PCDH15: variants seen among roughly 807,000 people sequenced by gnomAD.
PCDH15 encodes protocadherin related 15.
In PCDH15, 129 loss-of-function variants were observed where a neutral mutation model predicts 178.5. The ratio of observed to expected loss-of-function variants is 0.72; its 90% confidence interval spans 0.63 to 0.84. The LOEUF is 0.84. PCDH15 is among the 40% of genes least tolerant of loss of function. The probability of loss-of-function intolerance (pLI) is 0.00; values close to 1 mark genes in which losing one functional copy is unlikely to be tolerated. For synonymous variants in PCDH15, 800 were observed against 732.0 expected, an observed-to-expected ratio of 1.09 and a Z score of -1.50; for missense variants, 2,230 against 2,099.9, an observed-to-expected ratio of 1.06 and a Z score of -1.21.
chr10:54,411,401 C>G (rs1218480354), intron 3 of PCDH15, among the ~76,000 whole-genome samples: 1 of 152,112 alleles, frequency 6.6e-6, no homozygotes, highest in South Asian at 2.1e-4. Flanking sequence ...ACCAGTATAA[C>G]TGTAAGCCCT....
chr10:55,151,091 G>A (rs2589428), intron 2 of PCDH15, among the ~76,000 whole-genome samples: 137,237 of 152,094 alleles, frequency 0.9, 62,572 homozygotes, highest in Non-Finnish European at 0.97. Flanking sequence ...TGTGCCTTTC[G>A]TAGATCCCAC....
At chr10:54,689,510 C>T (rs1016100707) in intron 1 of PCDH15, among the ~76,000 whole-genome samples, 2 of 152,102 alleles carry the variant, frequency 1.3e-5, no homozygotes, top group African/African-American at 4.8e-5. Context: ...CATTAACTTA[C>T]CAGCCATGAA....
Position 54,953,109 on chromosome 10 carries a change from C to T in PCDH15, c.-79-55609G>A, listed in dbSNP as rs1316601584. ...GCACCTAGTTTCTCACCATTAAGTA[C>T]GTTAAGCATGTTAGCGCTAGTTGTT... On this transcript the variant is annotated intron_variant, in intron 2 of 5. Transcript: ENST00000458638. Among the ~76,000 whole-genome samples the T allele has an allele frequency of 3.3e-5, 5 of 151,458 alleles. No homozygotes were observed. In the South Asian group the frequency reaches 8.3e-4, roughly 25 times the overall value.
intron 3 of PCDH15, among the ~76,000 whole-genome samples, chr10:54,457,172 C>A (rs1204025469): frequency 6.6e-6 from 1 of 152,100 alleles, no homozygotes; most frequent in Non-Finnish European, 1.5e-5. Context: ...TAATTCAAAG[C>A]ACAATTTTGT....
At chr10:54,172,287 C>T (rs1043876950) in intron 13 of PCDH15, among the ~76,000 whole-genome samples, 2 of 151,958 alleles carry the variant, frequency 1.3e-5, no homozygotes, top group South Asian at 2.1e-4. Context: ...AGAAACACCC[C>T]CACTGAGCAC....
chr10:54,054,623 G>C (rs1440957149), intron 18 of PCDH15, among the ~76,000 whole-genome samples: 2 of 152,028 alleles, frequency 1.3e-5, no homozygotes, highest in Admixed American at 6.6e-5. Flanking sequence ...CCTAAACATT[G>C]CTAAAGGGGT....
At chr10:54,748,208 A>C (rs1006809580) in intron 1 of PCDH15, among the ~76,000 whole-genome samples, 6 of 152,160 alleles carry the variant, frequency 3.9e-5, no homozygotes, top group Non-Finnish European at 8.8e-5. Context: ...AATAAACTTC[A>C]TGTTACTTTT....
intron 8 of PCDH15, among the ~76,000 whole-genome samples, chr10:54,276,839 T>C (rs1259037584): frequency 1.3e-5 from 2 of 151,592 alleles, no homozygotes; most frequent in African/African-American, 2.4e-5. Flanking sequence ...TTCCACAAAT[T>C]AACAAAATAA....
In PCDH15 at chr10:54,418,613, A is replaced by G. The variant is rs542119841; in HGVS notation, c.158-39671T>C. Among the ~76,000 whole-genome samples, 35 of 152,024 alleles carry G rather than the reference A, an allele frequency of 2.3e-4. No individual in the cohort carries two copies. The South Asian group carries it at 3.7e-3, about 16-fold the overall frequency. On this transcript the variant is annotated intron_variant, in intron 3 of 37. Transcript: ENST00000644397. ...TTGTACAATCACCCATAACTTTATT[A>G]TTTATCATTTTGTAACTTTTTTATT...
At chr10:54,791,677 A>ATC (rs1446875571) in intron 1 of PCDH15, among the ~76,000 whole-genome samples, 1 of 151,660 alleles carries the variant, frequency 6.6e-6, no homozygotes, top group Non-Finnish European at 1.5e-5. Flanking sequence ...AAGTCATCCA[A>ATC]TCTCTCTCTC....
intron 2 of PCDH15, among the ~76,000 whole-genome samples, chr10:54,646,763 T>C (rs2094137990): frequency 6.6e-6 from 1 of 152,020 alleles, no homozygotes; most frequent in African/African-American, 2.4e-5. Context: ...AGAGGAATGC[T>C]GATACAAATG....
chr10:55,213,093 A>G (rs561639685), intron 1 of PCDH15, among the ~76,000 whole-genome samples: 1 of 152,258 alleles, frequency 6.6e-6, no homozygotes, highest in East Asian at 1.9e-4. Context: ...TGGTTCTTTT[A>G]CTGAACTGTG....
intron 2 of PCDH15, among the ~76,000 whole-genome samples, chr10:54,591,900 A>G (rs911107860): frequency 7.9e-5 from 12 of 152,254 alleles, no homozygotes; most frequent in African/African-American, 2.6e-4. Context: ...TTCAGTCCCA[A>G]CTACGCTCAA....
chr10:54,433,898 C>T (rs1369432150), intron 3 of PCDH15, among the ~76,000 whole-genome samples: 1 of 152,028 alleles, frequency 6.6e-6, no homozygotes, highest in Non-Finnish European at 1.5e-5. Flanking sequence ...GCCAATCTTT[C>T]AGGAGATATT....
chr10:54,372,920 T>C (rs1259321522), intron 4 of PCDH15, among the ~76,000 whole-genome samples: 1 of 151,598 alleles, frequency 6.6e-6, no homozygotes, highest in Non-Finnish European at 1.5e-5. Context: ...ATGATATATA[T>C]CAACAATTAA....
Position 54,247,935 on chromosome 10 carries a change from A to AATATATAT in PCDH15, c.877-11012_877-11005dup, listed in dbSNP as rs147562225. On this transcript the variant is annotated intron_variant, in intron 8 of 37. Coordinates refer to ENST00000644397, the MANE Select transcript of PCDH15 (RefSeq NM_001384140.1). Reference sequence around the variant, plus strand: ...TGATTGATGTGAGGATGCATGAAAGAATATATATATATATATATATATATA... The same window carrying AATATATAT: ...TGATTGATGTGAGGATGCATGAAAGAATATATATATATATATATATATATATATATATA... Among the ~76,000 whole-genome samples the AATATATAT allele has an allele frequency of 9.7e-4, 135 of 139,392 alleles. 1 individual carries two copies. The highest frequency in any genetic ancestry group is 2.8e-3 in the African/African-American group (108 of 38,142). The allele number at this position is 139,392 out of a possible 152,430, so 91.4% of individuals were successfully genotyped here. A position where few individuals can be genotyped will look rare whatever the true frequency, so the allele number is the denominator to read the frequency against.
intron 5 of PCDH15, among the ~76,000 whole-genome samples, chr10:54,359,278 A>AAAAACT (rs201514070): frequency 0.02 from 3,099 of 152,060 alleles, 99 homozygotes; most frequent in African/African-American, 0.071. Context: ...AAAAAAAAAC[A>AAAAACT]AAAACTAAAA....
intron 3 of PCDH15, among the ~76,000 whole-genome samples, chr10:54,433,984 G>A (rs749304162): frequency 1.5e-4 from 23 of 152,150 alleles, no homozygotes; most frequent in Admixed American, 7.9e-4. Flanking sequence ...TCATTGGGAC[G>A]AGACGTGGAC....
chr10:55,042,985 A>C (rs1490337313), intron 2 of PCDH15, among the ~76,000 whole-genome samples: 1 of 152,060 alleles, frequency 6.6e-6, no homozygotes, highest in East Asian at 1.9e-4. Context: ...AGCCCTTGAC[A>C]TTCTGTTTGT....
Sources: allele counts gnomAD v4.1 joint callset (sites outside exome capture counted in the v4.1 genomes callset), GRCh38; gene constraint gnomAD v4.1.1; transcripts MANE v1.5; gene names NCBI Gene and HGNC (gene_info 2026-07-23, HGNC 2026-07-21).